IRAK1BP1: variants seen among roughly 807,000 people sequenced by gnomAD.
IRAK1BP1 encodes interleukin 1 receptor associated kinase 1 binding protein 1.
Under a neutral mutation model 28.0 loss-of-function variants are expected in IRAK1BP1, and 24 were observed. That is an observed-to-expected ratio of 0.86 (90% CI 0.62 to 1.20). The LOEUF (loss-of-function observed/expected upper bound fraction) is 1.20, where lower values mean the gene tolerates loss of function less well. Among genes scored for constraint, IRAK1BP1 ranks in the 50% most tolerant of loss-of-function variants. The pLI, the probability that IRAK1BP1 is intolerant of heterozygous loss-of-function variation, is 0.00. For missense variants in IRAK1BP1, 336 were observed against 316.7 expected (o/e 1.06, Z -0.46); for synonymous variants, 131 against 116.3 (o/e 1.13, Z -0.81).
At chr6:78,896,960 G>C (rs555945847) in intron 2 of IRAK1BP1, among the ~76,000 whole-genome samples, 1 of 152,142 alleles carries the variant, frequency 6.6e-6, no homozygotes, top group Non-Finnish European at 1.5e-5. Flanking sequence ...TTGTGTTAAG[G>C]GTTCTTTAGA....
At chr6:78,933,392 C>T (rs12660760) in intron 4 of IRAK1BP1, among the ~76,000 whole-genome samples, 50,033 of 151,936 alleles carry the variant, frequency 0.33, 9,820 homozygotes, top group East Asian at 0.69. Context: ...CTGAGGCGGG[C>T]GGATCACGAG....
At chr6:78,892,567 A>G (rs1301775241) in intron 2 of IRAK1BP1, among the ~76,000 whole-genome samples, 1 of 152,158 alleles carries the variant, frequency 6.6e-6, no homozygotes, top group Non-Finnish European at 1.5e-5. Context: ...TTTCTAGTCT[A>G]TAAAATAGCA....
At chr6:78,944,803 A>C (rs1773710247) in intron 4 of IRAK1BP1, among the ~76,000 whole-genome samples, 1 of 152,220 alleles carries the variant, frequency 6.6e-6, no homozygotes, top group Admixed American at 6.5e-5. Context: ...TTAACATGTC[A>C]CATGGCATAT....
At chr6:78,969,951 CATACCTAAAA>C in the IRAK1BP1 span, 2 of 1,556,200 alleles carry the variant, frequency 1.3e-6, no homozygotes, top group African/African-American at 2.7e-5. Flanking sequence ...GATTAGGTCA[CATACCTAAAA>C]ATACCTAAAA....
At chr6:78,955,481 G>A in the IRAK1BP1 span, 1 of 453,590 alleles carries the variant, frequency 2.2e-6, no homozygotes, top group Non-Finnish European at 3.9e-6. Flanking sequence ...ACTGCCAGTT[G>A]TTTTTTTTTT....
At chr6:78,962,188 G>A in the IRAK1BP1 span, among the ~76,000 whole-genome samples, 2 of 152,024 alleles carry the variant, frequency 1.3e-5, no homozygotes, top group Admixed American at 1.3e-4. Context: ...TCTAACCTTT[G>A]ACTTTCTCAA....
chr6:78,867,593 C>T lies in IRAK1BP1; in HGVS notation c.17C>T (p.Thr6Ile), dbSNP rs774705843. ...GCCATCGCTATGTCTCTGCAAAAGA[C>T]CCCTCCGACCCGAGTGTTCGTGGAA... MSLQK[T>I]PPTRVFVELV... The change falls in exon 1 of 4, where the codon ACC (threonine) becomes ATC (isoleucine). Residue 6 changes from threonine to isoleucine, a missense_variant. Physicochemically the swap from Thr to Ile is moderately conservative, Grantham distance 89. Transcript: ENST00000369940. 8.7e-6 allele frequency: 14 copies of T among 1,613,830 alleles called. No homozygotes were observed. The Middle Eastern group carries it at 5.0e-4, about 57-fold the overall frequency.
intron 2 of IRAK1BP1, among the ~76,000 whole-genome samples, chr6:78,893,314 GTATATATA>G (rs60728695): frequency 0.056 from 5,809 of 103,374 alleles, 483 homozygotes; most frequent in African/African-American, 0.17. Flanking sequence ...GTGTGTGTGT[GTATATATA>G]TATATATATA....
chr6:78,961,145 T>C, the IRAK1BP1 span, among the ~76,000 whole-genome samples: 13 of 152,240 alleles, frequency 8.5e-5, 1 homozygote, highest in Middle Eastern at 6.8e-3. Flanking sequence ...TGCAAATTAA[T>C]TGAAATTATG....
exon 5 of IRAK1BP1, chr6:78,946,280 G>A (rs1391303920): frequency 6.2e-7 from 1 of 1,603,096 alleles, no homozygotes; most frequent in Non-Finnish European, 8.5e-7. Context: ...AAATAGTATT[G>A]TCAGTCACTC....
At chr6:78,967,910 G>A in the IRAK1BP1 span, among the ~76,000 whole-genome samples, 5 of 152,036 alleles carry the variant, frequency 3.3e-5, no homozygotes, top group South Asian at 2.1e-4. Context: ...TGAGGCGGGC[G>A]GATCACAAGG....
chr6:78,971,035 G>T, the IRAK1BP1 span: 1 of 601,206 alleles, frequency 1.7e-6, no homozygotes, highest in East Asian at 3.0e-5. Context: ...TTTCTCTCAA[G>T]TTGTCTTAAC....
chr6:78,887,220 G>A (rs957360652), intron 2 of IRAK1BP1, among the ~76,000 whole-genome samples: 17 of 152,110 alleles, frequency 1.1e-4, no homozygotes, highest in South Asian at 2.1e-4. Flanking sequence ...AAAAATGAAC[G>A]AAGGACTTGA....
chr6:78,956,572 AG>A, the IRAK1BP1 span: 3 of 152,102 alleles, frequency 2.0e-5, no homozygotes, highest in African/African-American at 7.2e-5. Context: ...TCATATTCAA[AG>A]CCACCCACGA....
chr6:78,896,331 G>GAAA (rs35774009), intron 2 of IRAK1BP1, among the ~76,000 whole-genome samples: 11 of 93,032 alleles, frequency 1.2e-4, no homozygotes, highest in Non-Finnish European at 1.9e-4. Flanking sequence ...AACCTAAATG[G>GAAA]AAAAAAAAAA....
intron 4 of IRAK1BP1, among the ~76,000 whole-genome samples, chr6:78,916,843 C>G (rs1189624038): frequency 6.6e-6 from 1 of 151,982 alleles, no homozygotes; most frequent in Admixed American, 6.6e-5. Context: ...GCTTGGGAGG[C>G]TGAGGCGGGA....
In IRAK1BP1 at chr6:78,867,822, C is replaced by G. The variant is rs1290221847; in HGVS notation, c.246C>G (p.Ala82=). The stretch of plus-strand genomic sequence containing the variant: ...TGAGCAGCACCAAGGAGGCGGCAGC[C>G]GAGGCCAAAAAGAGCGTTTGTCGCC... ...VRVSSTKEAA[A]EAKKSVCRRL... The change falls in exon 1 of 4, where the codon GCC becomes GCG. Residue 82 remains alanine, a synonymous_variant. Transcript: ENST00000369940. The G allele has an allele frequency of 2.5e-6, 4 of 1,612,558 alleles. No individual in the cohort carries two copies. In the East Asian group the frequency reaches 6.7e-5, roughly 27 times the overall value.
At chr6:78,884,629 T>A (rs1771349801) in intron 1 of IRAK1BP1, among the ~76,000 whole-genome samples, 1 of 152,146 alleles carries the variant, frequency 6.6e-6, no homozygotes, top group South Asian at 2.1e-4. Context: ...TCTCATTAAA[T>A]CTGCACAATG....
chr6:78,967,503 C>T, the IRAK1BP1 span, among the ~76,000 whole-genome samples: 2 of 152,106 alleles, frequency 1.3e-5, no homozygotes, highest in Admixed American at 1.3e-4. Context: ...TACTGAAGTC[C>T]ACCATTGAGA....
Sources: gnomAD v4.1 joint callset for allele counts (sites outside exome capture counted in the v4.1 genomes callset) on GRCh38, gnomAD v4.1.1 for gene constraint, MANE v1.5 for transcripts, NCBI Gene and HGNC (gene_info 2026-07-23, HGNC 2026-07-21) for gene names.